The following ENTHD1 variants were observed in gnomAD, a reference collection of about 807,000 sequenced individuals.
The protein encoded by ENTHD1 is ENTH domain containing 1, also known as ENTH domain-containing protein 1.
In ENTHD1, 23 loss-of-function variants were observed where a neutral mutation model predicts 39.1. The ratio of observed to expected loss-of-function variants is 0.59; its 90% CI spans 0.42 to 0.83. The LOEUF (loss-of-function observed/expected upper bound fraction) is 0.83, where lower values mean the gene tolerates loss of function less well. Among genes scored for constraint, ENTHD1 ranks in the 40% least tolerant of loss-of-function variants. ENTHD1 has a pLI of 0.00. For missense variants in ENTHD1, 624 were observed against 705.4 expected, an observed-to-expected ratio of 0.88 and a Z score of 1.31; for synonymous variants, 230 against 258.2, an observed-to-expected ratio of 0.89 and a Z score of 1.05.
intron 5 of ENTHD1, among the ~76,000 whole-genome samples, chr22:39,817,994 A>AG (rs201100864): frequency 6.6e-6 from 1 of 152,194 alleles, no homozygotes; most frequent in Non-Finnish European, 1.5e-5. Flanking sequence ...GAGAGGTTGT[A>AG]GGGGGGTCTA....
Position 39,743,683 on chromosome 22 carries a change from A to G in ENTHD1, c.1820T>C (p.Ile607Thr). 1 of 1,602,306 alleles carries G rather than the reference A, an allele frequency of 6.2e-7. No homozygotes were observed. The highest frequency in any genetic ancestry group is 8.5e-7 in the Non-Finnish European group (1 of 1,174,510). ...PQSSEGSSDQ[I>T] ...CAAAAATAGATATTGTGATGATTAG[A>G]TCTGATCTGAGCTCCCCTCAGAAGA... The change falls in exon 7 of 7, where the codon ATC becomes ACC. Residue 607 changes from isoleucine to threonine, a missense_variant. Physicochemically the swap from Ile to Thr is moderately conservative, Grantham distance 89. Coordinates refer to ENST00000325157, the MANE Select transcript of ENTHD1 (RefSeq NM_152512.4).
At chr22:39,843,136 T>C (rs1030368950) in intron 3 of ENTHD1, among the ~76,000 whole-genome samples, 8 of 152,240 alleles carry the variant, frequency 5.3e-5, no homozygotes, top group African/African-American at 1.9e-4. Flanking sequence ...CTATAAATCA[T>C]GCTGCTATAA....
chr22:39,777,656 GC>G (rs780832208), intron 5 of ENTHD1, among the ~76,000 whole-genome samples: 2 of 151,792 alleles, frequency 1.3e-5, no homozygotes, highest in Non-Finnish European at 2.9e-5. Context: ...CTATAAAGGT[GC>G]TTTTTAAAAA....
At chr22:39,875,656 T>C in intron 2 of ENTHD1, 1 of 1,612,314 alleles carries the variant, frequency 6.2e-7, no homozygotes, top group South Asian at 1.1e-5. Flanking sequence ...GAGTAACTAC[T>C]GTGGGTGTCG....
At chr22:39,870,268 C>T (rs2146742432) in intron 2 of ENTHD1, among the ~76,000 whole-genome samples, 1 of 152,052 alleles carries the variant, frequency 6.6e-6, no homozygotes, top group Admixed American at 6.6e-5. Flanking sequence ...CTTGACCTCC[C>T]AAAGTGATGG....
chr22:39,797,772 G>C (rs2065562825), intron 5 of ENTHD1, among the ~76,000 whole-genome samples: 1 of 152,036 alleles, frequency 6.6e-6, no homozygotes, highest in African/African-American at 2.4e-5. Flanking sequence ...CTCAATCTCT[G>C]CTTGTCTGTA....
chr22:39,860,721 G>A (rs1297135732), intron 3 of ENTHD1, among the ~76,000 whole-genome samples: 1 of 152,130 alleles, frequency 6.6e-6, no homozygotes, highest in African/African-American at 2.4e-5. Flanking sequence ...GAATACAAAG[G>A]GACAGTTCTC....
intron 3 of ENTHD1, among the ~76,000 whole-genome samples, chr22:39,844,878 A>G (rs1368011078): frequency 6.6e-6 from 1 of 152,216 alleles, no homozygotes; most frequent in South Asian, 2.1e-4. Context: ...TGGGCATGAA[A>G]GCTACAGTTT....
intron 5 of ENTHD1, among the ~76,000 whole-genome samples, chr22:39,811,562 G>A (rs1601610455): frequency 2.0e-5 from 3 of 152,312 alleles, no homozygotes; most frequent in Middle Eastern, 3.4e-3. Flanking sequence ...ACTACACCCT[G>A]ATAAAGACTG....
At chr22:39,748,299 A>G (rs756853249) in intron 6 of ENTHD1, among the ~76,000 whole-genome samples, 1 of 152,164 alleles carries the variant, frequency 6.6e-6, no homozygotes, top group Non-Finnish European at 1.5e-5. Flanking sequence ...CTGTTAAAGT[A>G]CTAAGAAAAG....
chr22:39,752,627 T>C (rs1209465851), intron 6 of ENTHD1, among the ~76,000 whole-genome samples: 1 of 152,246 alleles, frequency 6.6e-6, no homozygotes, highest in Non-Finnish European at 1.5e-5. Flanking sequence ...CATAAAATAA[T>C]AGATTTAGGA....
chr22:39,749,858 G>GC, intron 6 of ENTHD1, among the ~76,000 whole-genome samples: 1 of 152,304 alleles, frequency 6.6e-6, no homozygotes, highest in Non-Finnish European at 1.5e-5. Flanking sequence ...CTGGGCACTG[G>GC]GTTGATCTCA....
At chr22:39,842,792 G>A (rs2065955225) in intron 3 of ENTHD1, among the ~76,000 whole-genome samples, 1 of 148,632 alleles carries the variant, frequency 6.7e-6, no homozygotes, top group South Asian at 2.2e-4. Context: ...ATCAAAAAGT[G>A]GGCAAAGGAC....
chr22:39,862,141 A>G (rs2066147059), intron 2 of ENTHD1, 134 bp from the exon 3 acceptor site: 1 of 548,896 alleles, frequency 1.8e-6, no homozygotes, highest in South Asian at 6.3e-5. Flanking sequence ...AGAACTACTG[A>G]TAAGTATATT....
At chr22:39,804,021 G>T (rs1301449452) in intron 5 of ENTHD1, among the ~76,000 whole-genome samples, 1 of 151,660 alleles carries the variant, frequency 6.6e-6, no homozygotes, top group Non-Finnish European at 1.5e-5. Flanking sequence ...AAAATCAGCT[G>T]GGCATAGTAG....
chr22:39,860,535 C>T (rs1257504412), intron 3 of ENTHD1, among the ~76,000 whole-genome samples: 1 of 152,228 alleles, frequency 6.6e-6, no homozygotes, highest in Non-Finnish European at 1.5e-5. Flanking sequence ...TAATGTCTCT[C>T]TCCAATCCCA....
intron 2 of ENTHD1, among the ~76,000 whole-genome samples, chr22:39,882,565 C>T (rs1005828214): frequency 6.6e-6 from 1 of 152,180 alleles, no homozygotes; most frequent in African/African-American, 2.4e-5. Context: ...TCCTGAGAGC[C>T]AGTGGTTTGC....
chr22:39,797,401 G>C (rs1295700032), intron 5 of ENTHD1, among the ~76,000 whole-genome samples: 1 of 152,074 alleles, frequency 6.6e-6, no homozygotes, highest in Non-Finnish European at 1.5e-5. Context: ...TTGTCTTTTT[G>C]TTAATTGTTT....
At chr22:39,891,257 A>G (rs1028580282) in intron 1 of ENTHD1, among the ~76,000 whole-genome samples, 2 of 152,106 alleles carry the variant, frequency 1.3e-5, no homozygotes, top group African/African-American at 4.8e-5. Context: ...GTACTTACCT[A>G]TTTGTCATTT....
Sources: gnomAD v4.1 joint callset for allele counts (sites outside exome capture counted in the v4.1 genomes callset) on GRCh38, gnomAD v4.1.1 for gene constraint, MANE v1.5 for transcripts, NCBI Gene and HGNC (gene_info 2026-07-23, HGNC 2026-07-21) for gene names.